Variants in TNFRSF9 observed in about 807,000 individuals in gnomAD.
The protein encoded by TNFRSF9 is TNF receptor superfamily member 9, also known as tumor necrosis factor receptor superfamily member 9.
Under a neutral mutation model 28.8 loss-of-function variants are expected in TNFRSF9, and 16 were observed. That is an observed-to-expected ratio of 0.55 (90% CI 0.38 to 0.84). The LOEUF is 0.84. Among genes scored for constraint, TNFRSF9 ranks in the 40% least tolerant of loss-of-function variants. The pLI is 0.00. For synonymous variants in TNFRSF9, 131 were observed against 117.0 expected (o/e 1.12, Z -0.77); for missense variants, 303 against 315.0 (o/e 0.96, Z 0.29).
At chr1:7,930,555 T>G (rs1639719764) in intron 7 of TNFRSF9, among the ~76,000 whole-genome samples, 1 of 152,094 alleles carries the variant, frequency 6.6e-6, no homozygotes, top group African/African-American at 2.4e-5. Flanking sequence ...CCCAGGAGTT[T>G]AAGACTGGCC....
At position 7,938,193 on chromosome 1, in the gene TNFRSF9, C is replaced by T; in HGVS notation, c.346G>A (p.Gly116Ser). ...CKQGQELTKK[G>S]CKDCCFGTFN... is the part of the protein sequence containing the mutation. ...CTAGATCAAAGAAACGCAAACGTAC[C>T]TTTTTTTGTCAGTTCTTGACCTTGT... Residue 116 changes from glycine to serine, a missense_variant and splice_region_variant, in exon 4 of 8, where the codon GGT (glycine) becomes AGT (serine). By Grantham distance (56) the Gly-to-Ser change is moderately conservative. Transcript: ENST00000377507. 1 of 1,573,334 alleles carries T rather than the reference C, an allele frequency of 6.4e-7. No individual in the cohort carries two copies. The highest frequency in any genetic ancestry group is 8.6e-7 in the Non-Finnish European group (1 of 1,159,956).
intron 7 of TNFRSF9, among the ~76,000 whole-genome samples, chr1:7,926,357 A>G (rs1448222684): frequency 3.3e-5 from 5 of 152,328 alleles, no homozygotes; most frequent in Non-Finnish European, 5.9e-5. Context: ...GCCTAGGTGT[A>G]TAGTAGGCTG....
intron 7 of TNFRSF9, among the ~76,000 whole-genome samples, chr1:7,927,520 C>G (rs1639672002): frequency 6.6e-6 from 1 of 151,986 alleles, no homozygotes; most frequent in African/African-American, 2.4e-5. Context: ...CCAATAGGTC[C>G]ACAGCAAGTG....
intron 5 of TNFRSF9, among the ~76,000 whole-genome samples, chr1:7,935,793 G>A (rs192810212): frequency 2.0e-5 from 3 of 152,208 alleles, no homozygotes; most frequent in South Asian, 2.1e-4. Flanking sequence ...GGAGTTTGAC[G>A]CTGTCTCAGA....
At chr1:7,938,517 A>C (rs1639855165) in intron 3 of TNFRSF9, among the ~76,000 whole-genome samples, 187 bp from the exon 4 acceptor site, 1 of 152,252 alleles carries the variant, frequency 6.6e-6, no homozygotes, top group Non-Finnish European at 1.5e-5. Context: ...CTCTCTTGTC[A>C]AATGAATGTT....
At chr1:7,927,665 C>T (rs1222835773) in intron 7 of TNFRSF9, among the ~76,000 whole-genome samples, 3 of 148,006 alleles carry the variant, frequency 2.0e-5, no homozygotes, top group Non-Finnish European at 4.5e-5. Context: ...GAGACCCTGT[C>T]TCAGAAAAAA....
chr1:7,923,748 G>A (rs1181241584), intron 7 of TNFRSF9, among the ~76,000 whole-genome samples: 1 of 152,112 alleles, frequency 6.6e-6, no homozygotes, highest in African/African-American at 2.4e-5. Context: ...TGAGGTGGGA[G>A]GATCACTTGA....
At chr1:7,926,716 T>C (rs749343756) in intron 7 of TNFRSF9, among the ~76,000 whole-genome samples, 8 of 152,162 alleles carry the variant, frequency 5.3e-5, no homozygotes, top group Admixed American at 1.3e-4. Context: ...CTGTGTGGTA[T>C]TGGCAGAAGA....
intron 6 of TNFRSF9, among the ~76,000 whole-genome samples, 156 bp downstream of exon 6, chr1:7,934,857 C>T (rs1639794052): frequency 6.6e-6 from 1 of 152,168 alleles, no homozygotes; most frequent in African/African-American, 2.4e-5. Context: ...ATAACAAATG[C>T]CTGGGAAGAA....
rs776103725 is a variant in TNFRSF9, at chr1:7,937,734, C to T, written c.369G>A (p.Gly123=). 6.2e-7 allele frequency: 1 copy of T among 1,613,306 alleles called. No homozygotes were observed. Among genetic ancestry groups the T allele is most frequent in the Non-Finnish European group, 8.5e-7 (1 of 1,179,358 alleles). The change falls in exon 5 of 8, where the codon GGG becomes GGA. Residue 123 remains glycine (G), a synonymous_variant. Transcript: ENST00000377507. Reference sequence around the variant, plus strand: ...TGCCACGTTTCTGATCGTTAAATGTCCCAAAGCAACAGTCTTTACAACCTT... The same window carrying T: ...TGCCACGTTTCTGATCGTTAAATGTTCCAAAGCAACAGTCTTTACAACCTT... ...TKKGCKDCCF[G]TFNDQKRGIC...
intron 4 of TNFRSF9, 22 bp from the exon 5 acceptor site, chr1:7,937,778 A>C (rs779827801): frequency 2.3e-5 from 36 of 1,594,318 alleles, no homozygotes; most frequent in Non-Finnish European, 2.5e-5. Flanking sequence ...AATGAAAGCA[A>C]TAATAAAAGG....
intron 7 of TNFRSF9, among the ~76,000 whole-genome samples, chr1:7,923,450 ACTTCCTCCACCC>A (rs1349029244): frequency 1.3e-5 from 2 of 151,796 alleles, no homozygotes; most frequent in Non-Finnish European, 2.9e-5. Flanking sequence ...TAGAACCCAA[ACTTCCTCCACCC>A]CTGCCTGGCC....
At chr1:7,926,857 C>T (rs907150376) in intron 7 of TNFRSF9, among the ~76,000 whole-genome samples, 2 of 152,134 alleles carry the variant, frequency 1.3e-5, no homozygotes, top group African/African-American at 2.4e-5. Flanking sequence ...AGCAATTGGA[C>T]GTCCATAGTC....
chr1:7,928,350 G>T (rs9658015), intron 7 of TNFRSF9, among the ~76,000 whole-genome samples: 2 of 152,026 alleles, frequency 1.3e-5, no homozygotes, highest in Admixed American at 6.6e-5. Context: ...ATTATTCCTC[G>T]CAGCTTTATA....
In TNFRSF9 at chr1:7,927,498, C is replaced by T. The variant is rs9658018; in HGVS notation, c.679+5664G>A. 2.1e-3 allele frequency among the ~76,000 whole-genome samples: 320 copies of T among 152,190 alleles called. 1 individual carries two copies. The highest frequency in any genetic ancestry group is 3.5e-3 in the Admixed American group (54 of 15,270). ...CGTCTTTTATTCCCGCTTTTGCCCC[C>T]CTTTGTTCAGTCCAATAGGTCCACA... On this transcript the variant is annotated intron_variant, in intron 7 of 7. Coordinates refer to ENST00000377507, the MANE Select transcript of TNFRSF9 (RefSeq NM_001561.6).
chr1:7,921,481 G>A (rs893787389), intron 7 of TNFRSF9, among the ~76,000 whole-genome samples: 3 of 151,364 alleles, frequency 2.0e-5, no homozygotes, highest in Non-Finnish European at 2.9e-5. Context: ...GCCTGGCCAA[G>A]ATGGTGAAAC....
rs1245221772 is a variant in TNFRSF9, at chr1:7,919,647, G to T, written c.*1188C>A. 6.6e-6 allele frequency: 1 copy of T among 152,272 alleles called. No homozygotes were observed. Among genetic ancestry groups the T allele is most frequent in the Non-Finnish European group, 1.5e-5 (1 of 68,070 alleles). 9.4% of individuals were successfully genotyped at this position (152,272 alleles called of 1,614,324 possible). On this transcript the variant is annotated 3_prime_UTR_variant, in exon 8 of 8. Transcript: ENST00000377507. Reference sequence around the variant, plus strand: ...TTGAGCCCAGGAGTTTAAGGCTAAAGTGTGCTATGATTGTGCCTGTGAATA... The same window carrying T: ...TTGAGCCCAGGAGTTTAAGGCTAAATTGTGCTATGATTGTGCCTGTGAATA...
intron 6 of TNFRSF9, among the ~76,000 whole-genome samples, chr1:7,934,449 A>G (rs1639786146): frequency 6.6e-6 from 1 of 151,396 alleles, no homozygotes; most frequent in Non-Finnish European, 1.5e-5. Flanking sequence ...GGTGGCTCAC[A>G]CCTGTAATCC....
chr1:7,935,133 C>A lies in TNFRSF9; in HGVS notation c.424G>T (p.Asp142Tyr). The part of the protein sequence containing the change: ...ICRPWTNCSL[D>Y]GKSVLVNGTK... ...CCATTCACAAGCACAGACTTTCCAT[C>A]CAAAGAACAGCTTAGACAGTTCAAT... The change falls in exon 6 of 8, where the codon GAT (aspartate) becomes TAT (tyrosine). Residue 142 changes from aspartate (D) to tyrosine (Y), a missense_variant. Transcript: ENST00000377507. 8 of 1,614,186 alleles carry A rather than the reference C, an allele frequency of 5.0e-6. No individual in the cohort carries two copies. The highest frequency in any genetic ancestry group is 6.8e-6 in the Non-Finnish European group (8 of 1,180,026).
Sources: allele counts gnomAD v4.1 joint callset (sites outside exome capture counted in the v4.1 genomes callset), GRCh38; gene constraint gnomAD v4.1.1; transcripts MANE v1.5; gene names NCBI Gene and HGNC (gene_info 2026-07-23, HGNC 2026-07-21).